Variants in ABCB1 observed in about 807,000 individuals in gnomAD.
ABCB1 encodes the protein ATP-dependent translocase ABCB1.
ABCB1 carries 69 observed loss-of-function variants against 142.0 expected under a neutral mutation model. The ratio of observed to expected loss-of-function variants is 0.49; its 90% CI spans 0.40 to 0.59. The LOEUF (loss-of-function observed/expected upper bound fraction) is 0.59, where lower values mean the gene tolerates loss of function less well. Ranked by LOEUF, ABCB1 falls within the 20% of genes least tolerant of loss-of-function variation. The probability of loss-of-function intolerance (pLI) is 0.00; values close to 1 mark genes in which losing one functional copy is unlikely to be tolerated. For missense variants in ABCB1, 1,326 were observed against 1,554.7 expected (o/e 0.85, Z 2.47); for synonymous variants, 532 against 539.2 (o/e 0.99, Z 0.18).
chr7:87,698,156 G>A (rs1828664577), intron 1 of ABCB1, among the ~76,000 whole-genome samples: 1 of 152,158 alleles, frequency 6.6e-6, no homozygotes, highest in Admixed American at 6.5e-5. Flanking sequence ...CTGGAGTGCA[G>A]TGGCACGATC....
intron 1 of ABCB1, among the ~76,000 whole-genome samples, chr7:87,696,636 G>T (rs1828515921): frequency 6.6e-6 from 1 of 152,040 alleles, no homozygotes; most frequent in Admixed American, 6.5e-5. Flanking sequence ...TCAGTGTCTT[G>T]AATTAAGAGC....
intron 12 of ABCB1, 46 bp from the exon 13 acceptor site, chr7:87,550,100 G>C: frequency 1.2e-6 from 2 of 1,613,986 alleles, no homozygotes; most frequent in East Asian, 4.5e-5. Context: ...GTAATTGAAA[G>C]GGCAACATCA....
At chr7:87,568,329 G>A (rs550896064) in intron 5 of ABCB1, among the ~76,000 whole-genome samples, 7 of 149,788 alleles carry the variant, frequency 4.7e-5, no homozygotes, top group Non-Finnish European at 8.9e-5. Context: ...GCTGAGGCAG[G>A]AGAATCGCTT....
At chr7:87,542,658 C>CTT (rs71649831) in intron 17 of ABCB1, among the ~76,000 whole-genome samples, 2 of 146,462 alleles carry the variant, frequency 1.4e-5, no homozygotes, top group African/African-American at 2.5e-5. Flanking sequence ...TAACCATTTC[C>CTT]TTTTTTTTTT....
intron 1 of ABCB1, among the ~76,000 whole-genome samples, chr7:87,676,190 A>G (rs1265424470): frequency 1.3e-5 from 2 of 152,096 alleles, no homozygotes; most frequent in Non-Finnish European, 1.5e-5. Context: ...CCTCATCACT[A>G]TATTCCAGGC....
intron 1 of ABCB1, among the ~76,000 whole-genome samples, chr7:87,607,587 T>C (rs1819699576): frequency 6.6e-6 from 1 of 152,146 alleles, no homozygotes; most frequent in South Asian, 2.1e-4. Context: ...GGTCTTGCTC[T>C]GTCACCAAGG....
At chr7:87,610,232 CTTTT>C (rs914468581) in intron 1 of ABCB1, among the ~76,000 whole-genome samples, 1 of 117,056 alleles carries the variant, frequency 8.5e-6, no homozygotes, top group Non-Finnish European at 1.8e-5. Flanking sequence ...CTTTTTCTTT[CTTTT>C]TTTTTTTTTT....
chr7:87,652,621 G>GAGATATATATATATATATATATATATAT (rs374832268), intron 1 of ABCB1, among the ~76,000 whole-genome samples: 4 of 125,396 alleles, frequency 3.2e-5, no homozygotes, highest in Middle Eastern at 3.9e-3. Context: ...TGTGGTCACT[G>GAGATATATATATATATATATATATATAT]ATATATATAT....
chr7:87,587,698 C>T (rs745775556), intron 3 of ABCB1, among the ~76,000 whole-genome samples: 39 of 151,942 alleles, frequency 2.6e-4, no homozygotes, highest in Non-Finnish European at 4.7e-4. Context: ...AGTGAAACCC[C>T]GTCTCTATTA....
At chr7:87,607,854 G>A (rs1457926371) in intron 1 of ABCB1, among the ~76,000 whole-genome samples, 1 of 152,170 alleles carries the variant, frequency 6.6e-6, no homozygotes, top group Non-Finnish European at 1.5e-5. Context: ...AGTTCTGTGT[G>A]TATATGTTGT....
intron 1 of ABCB1, among the ~76,000 whole-genome samples, chr7:87,656,180 C>T (rs1407706264): frequency 6.6e-6 from 1 of 151,898 alleles, no homozygotes; most frequent in Non-Finnish European, 1.5e-5. Context: ...TTAATTAGTA[C>T]AATTTAGCCA....
chr7:87,709,107 ACTTATC>A lies in ABCB1; in HGVS notation c.-331+4048_-331+4053del, dbSNP rs780086472. On this transcript the variant is annotated intron_variant, in intron 1 of 28. Transcript: ENST00000265724. ...AAAAGAAACCATTAAAATTAGCACA[ACTTATC>A]CTTATAATATAACAGGATTCCATAC... 1.6e-3 allele frequency: 400 copies of A among 257,596 alleles called. 1 individual carries two copies. Among genetic ancestry groups the A allele is most frequent in the Non-Finnish European group, 2.1e-3 (343 of 164,510 alleles). 16.0% of individuals were successfully genotyped at this position (257,596 alleles called of 1,614,324 possible).
intron 26 of ABCB1, among the ~76,000 whole-genome samples, chr7:87,507,639 G>A (rs1278541341): frequency 6.6e-6 from 1 of 152,134 alleles, no homozygotes; most frequent in Non-Finnish European, 1.5e-5. Context: ...ATGGAAGAAG[G>A]GAATCTTGGG....
intron 1 of ABCB1, among the ~76,000 whole-genome samples, chr7:87,698,683 C>G (rs1828731950): frequency 6.6e-6 from 1 of 152,050 alleles, no homozygotes; most frequent in Admixed American, 6.6e-5. Context: ...TACTGTGAGC[C>G]AAGTAAGCAC....
intron 26 of ABCB1, among the ~76,000 whole-genome samples, chr7:87,508,662 G>A (rs969161127): frequency 3.9e-5 from 6 of 152,126 alleles, no homozygotes; most frequent in Non-Finnish European, 5.9e-5. Flanking sequence ...AATGTATGAC[G>A]ATGAGAGATT....
chr7:87,645,567 T>C (rs1460877756), intron 1 of ABCB1, among the ~76,000 whole-genome samples: 2 of 152,226 alleles, frequency 1.3e-5, no homozygotes. Context: ...ATTTGATATT[T>C]TTAGACATTC....
intron 1 of ABCB1, among the ~76,000 whole-genome samples, chr7:87,622,230 T>G (rs1563077979): frequency 6.6e-6 from 1 of 152,036 alleles, no homozygotes; most frequent in Non-Finnish European, 1.5e-5. Context: ...TAAACAAATA[T>G]GATCATGAGC....
chr7:87,588,090 T>G (rs547757298), intron 3 of ABCB1, among the ~76,000 whole-genome samples: 2 of 152,056 alleles, frequency 1.3e-5, no homozygotes, highest in South Asian at 4.1e-4. Flanking sequence ...GAGATTAAAG[T>G]GAGTACTAAT....
intron 18 of ABCB1, among the ~76,000 whole-genome samples, chr7:87,540,226 G>C (rs769203275): frequency 1.1e-4 from 16 of 152,270 alleles, no homozygotes; most frequent in Non-Finnish European, 2.1e-4. Flanking sequence ...CAATTAATAA[G>C]TGATTACCTA....
Sources: gnomAD v4.1 joint callset for allele counts (sites outside exome capture counted in the v4.1 genomes callset) on GRCh38, gnomAD v4.1.1 for gene constraint, MANE v1.5 for transcripts, NCBI Gene and HGNC (gene_info 2026-07-23, HGNC 2026-07-21) for gene names.